The following NKAIN2 variants were observed in gnomAD, a reference collection of about 807,000 sequenced individuals.
NKAIN2 encodes sodium/potassium-transporting ATPase subunit beta-1-interacting protein 2.
Under a neutral mutation model 32.6 loss-of-function variants are expected in NKAIN2, and 14 were observed. That is an observed-to-expected ratio of 0.43 (90% confidence interval 0.28 to 0.67). The LOEUF is 0.67. NKAIN2 is among the 30% of genes least tolerant of loss of function. NKAIN2 has a pLI of 0.17. For synonymous variants in NKAIN2, 80 were observed against 87.2 expected, an observed-to-expected ratio of 0.92 and a Z score of 0.46; for missense variants, 198 against 258.3, an observed-to-expected ratio of 0.77 and a Z score of 1.60.
chr6:124,359,639 C>CA (rs1335471464), intron 3 of NKAIN2, among the ~76,000 whole-genome samples: 1 of 152,148 alleles, frequency 6.6e-6, no homozygotes, highest in African/African-American at 2.4e-5. Flanking sequence ...TGAGACTTTG[C>CA]TGAAGTTGCC....
At position 123,909,132 on chromosome 6, in the gene NKAIN2, G is replaced by A. The variant is rs574400251; in HGVS notation, c.54+104878G>A. ...AAATCTCACTACCCTGATTCTCTCC[G>A]CACCTTCTACTTCTAACCTGTCTCT... On this transcript the variant is annotated intron_variant, in intron 1 of 6. Coordinates refer to ENST00000368417, the MANE Select transcript of NKAIN2 (RefSeq NM_001040214.3). Among the ~76,000 whole-genome samples, 24 of 151,566 alleles carry A rather than the reference G, an allele frequency of 1.6e-4. No individual in the cohort carries two copies. In the South Asian group the frequency reaches 4.0e-3, roughly 25 times the overall value.
intron 3 of NKAIN2, among the ~76,000 whole-genome samples, chr6:124,474,884 A>G (rs1188759020): frequency 1.0e-4 from 5 of 48,024 alleles, no homozygotes; most frequent in Admixed American, 2.0e-4. Context: ...ATTGTATATT[A>G]TATATTATAT....
intron 3 of NKAIN2, among the ~76,000 whole-genome samples, chr6:124,581,773 G>A (rs551745189): frequency 4.6e-5 from 7 of 152,214 alleles, no homozygotes; most frequent in Admixed American, 4.6e-4. Flanking sequence ...GGTCAATGAA[G>A]AAATTAAGCA....
intron 2 of NKAIN2, among the ~76,000 whole-genome samples, chr6:124,355,018 C>T (rs533286287): frequency 1.3e-5 from 2 of 148,978 alleles, no homozygotes; most frequent in East Asian, 2.0e-4. Flanking sequence ...TACAGTGAGC[C>T]GAGATCATGC....
chr6:124,622,236 G>A (rs1783132765), intron 3 of NKAIN2, among the ~76,000 whole-genome samples: 1 of 152,084 alleles, frequency 6.6e-6, no homozygotes, highest in African/African-American at 2.4e-5. Context: ...CTTTCTCTTT[G>A]TGTCTTCTCT....
At chr6:124,807,105 C>A (rs1057383686) in intron 5 of NKAIN2, among the ~76,000 whole-genome samples, 8 of 151,490 alleles carry the variant, frequency 5.3e-5, no homozygotes, top group Admixed American at 2.0e-4. Context: ...ACAAGGATAC[C>A]CAGGAATTGA....
At chr6:124,802,409 G>A (rs918627887) in intron 5 of NKAIN2, among the ~76,000 whole-genome samples, 8 of 152,106 alleles carry the variant, frequency 5.3e-5, no homozygotes, top group Non-Finnish European at 8.8e-5. Context: ...AATTCTAACA[G>A]GGGAGAACAA....
At chr6:123,832,872 T>C (rs9490961) in intron 1 of NKAIN2, among the ~76,000 whole-genome samples, 3,596 of 152,328 alleles carry the variant, frequency 0.024, 142 homozygotes, top group African/African-American at 0.082. Flanking sequence ...TTTTGGGTAA[T>C]AGTCTTTTAT....
At chr6:124,755,872 T>C (rs1358478735) in intron 4 of NKAIN2, among the ~76,000 whole-genome samples, 1 of 152,140 alleles carries the variant, frequency 6.6e-6, no homozygotes, top group Non-Finnish European at 1.5e-5. Flanking sequence ...AAAATAATAG[T>C]TTAAAAAATT....
At chr6:124,631,149 A>G (rs950458886) in intron 3 of NKAIN2, among the ~76,000 whole-genome samples, 7 of 152,232 alleles carry the variant, frequency 4.6e-5, no homozygotes, top group Admixed American at 3.3e-4. Context: ...CCATTTCACG[A>G]GAGTGTTTAA....
intron 3 of NKAIN2, among the ~76,000 whole-genome samples, chr6:124,406,771 A>G (rs1452939436): frequency 2.6e-5 from 4 of 152,102 alleles, no homozygotes; most frequent in South Asian, 2.1e-4. Context: ...AGTTATTTCA[A>G]TAGGCATGTA....
intron 1 of NKAIN2, among the ~76,000 whole-genome samples, chr6:123,895,942 T>C (rs1416500819): frequency 6.6e-6 from 1 of 152,218 alleles, no homozygotes; most frequent in Non-Finnish European, 1.5e-5. Flanking sequence ...GTCTGGTAAA[T>C]CATCTCAAGC....
At chr6:124,493,519 G>T (rs1777945631) in intron 3 of NKAIN2, among the ~76,000 whole-genome samples, 2 of 151,816 alleles carry the variant, frequency 1.3e-5, no homozygotes, top group Admixed American at 1.3e-4. Context: ...TGTCCTCTGG[G>T]TTTAGCCTGC....
At chr6:123,901,731 TG>T (rs1562247810) in intron 1 of NKAIN2, among the ~76,000 whole-genome samples, 1 of 152,106 alleles carries the variant, frequency 6.6e-6, no homozygotes, top group Non-Finnish European at 1.5e-5. Context: ...TGGCTTTGAG[TG>T]GGGACTTCTG....
At chr6:124,741,672 A>T (rs1378117814) in intron 4 of NKAIN2, among the ~76,000 whole-genome samples, 3 of 151,866 alleles carry the variant, frequency 2.0e-5, no homozygotes, top group Non-Finnish European at 4.4e-5. Context: ...GATTATTGTG[A>T]TGGTGGTTCT....
intron 3 of NKAIN2, among the ~76,000 whole-genome samples, chr6:124,646,622 A>G (rs1267579487): frequency 6.6e-6 from 1 of 152,168 alleles, no homozygotes; most frequent in East Asian, 1.9e-4. Context: ...CCTTTAGAGA[A>G]TTTCAGAACT....
At chr6:124,110,048 T>G (rs1050576554) in intron 1 of NKAIN2, among the ~76,000 whole-genome samples, 1 of 152,028 alleles carries the variant, frequency 6.6e-6, no homozygotes, top group Admixed American at 6.6e-5. Context: ...TAGATATTGG[T>G]GTGTAGTTTT....
intron 3 of NKAIN2, among the ~76,000 whole-genome samples, chr6:124,643,013 T>A (rs1467105412): frequency 1.3e-5 from 2 of 152,186 alleles, no homozygotes; most frequent in Non-Finnish European, 2.9e-5. Flanking sequence ...TAATGGCATC[T>A]GTGTTACCAA....
intron 3 of NKAIN2, among the ~76,000 whole-genome samples, chr6:124,378,491 T>A (rs1800087388): frequency 6.6e-6 from 1 of 152,160 alleles, no homozygotes; most frequent in Non-Finnish European, 1.5e-5. Context: ...GAGTCTTTGC[T>A]ATACTGGCAC....
Sources: allele counts gnomAD v4.1 joint callset (sites outside exome capture counted in the v4.1 genomes callset), GRCh38; gene constraint gnomAD v4.1.1; transcripts MANE v1.5; gene names NCBI Gene and HGNC (gene_info 2026-07-23, HGNC 2026-07-21).